PTBP3: variants seen among roughly 807,000 people sequenced by gnomAD.
The protein encoded by PTBP3 is polypyrimidine tract-binding protein 3.
PTBP3 carries 20 observed loss-of-function variants against 58.7 expected under a neutral mutation model. The ratio of observed to expected loss-of-function variants is 0.34; its 90% CI spans 0.24 to 0.50. The LOEUF is 0.50. Ranked by LOEUF, PTBP3 falls within the 20% of genes least tolerant of loss-of-function variation. The probability of loss-of-function intolerance (pLI) is 0.98; values close to 1 mark genes in which losing one functional copy is unlikely to be tolerated. For missense variants in PTBP3, 509 were observed against 637.2 expected (o/e 0.80, Z 2.17); for synonymous variants, 185 against 219.8 (o/e 0.84, Z 1.40).
chr9:112,361,424 C>T, the PTBP3 span, among the ~76,000 whole-genome samples: 1 of 152,034 alleles, frequency 6.6e-6, no homozygotes, highest in Non-Finnish European at 1.5e-5. Context: ...TTAGAAGCCA[C>T]AAAACAAGGG....
intron 5 of PTBP3, among the ~76,000 whole-genome samples, chr9:112,255,431 T>G (rs368461061): frequency 1.2e-4 from 18 of 152,310 alleles, no homozygotes; most frequent in Admixed American, 3.3e-4. Context: ...ATGTATGTAT[T>G]ATACATGCAG....
chr9:112,268,686 T>C (rs1183537753), intron 3 of PTBP3, among the ~76,000 whole-genome samples: 1 of 130,742 alleles, frequency 7.6e-6, no homozygotes, highest in African/African-American at 2.8e-5. Flanking sequence ...CACTGCAGCA[T>C]GGGTAACAGG....
At chr9:112,240,555 TTA>T (rs1397047622) in intron 7 of PTBP3, among the ~76,000 whole-genome samples, 5 of 151,826 alleles carry the variant, frequency 3.3e-5, no homozygotes, top group Non-Finnish European at 5.9e-5. Flanking sequence ...TAATAAAGAA[TTA>T]TGTTATTGGT....
At chr9:112,346,244 T>C in the PTBP3 span, among the ~76,000 whole-genome samples, 1 of 152,160 alleles carries the variant, frequency 6.6e-6, no homozygotes, top group Non-Finnish European at 1.5e-5. Flanking sequence ...CTCAGCTTGC[T>C]GCAACCTTTG....
chr9:112,262,390 G>T, intron 5 of PTBP3, 45 bp downstream of exon 5: 1 of 1,442,362 alleles, frequency 6.9e-7, no homozygotes, highest in Non-Finnish European at 9.3e-7. Flanking sequence ...AGTTTCAGAG[G>T]CCATATTTAA....
At chr9:112,267,696 ATTAC>A (rs1827155424) in intron 4 of PTBP3, among the ~76,000 whole-genome samples, 1 of 151,458 alleles carries the variant, frequency 6.6e-6, no homozygotes, top group Non-Finnish European at 1.5e-5. Flanking sequence ...GTTAAATTCC[ATTAC>A]TTAATTCACT....
chr9:112,325,458 T>C (rs982437532), intron 1 of PTBP3, among the ~76,000 whole-genome samples: 1 of 152,060 alleles, frequency 6.6e-6, no homozygotes, highest in Non-Finnish European at 1.5e-5. Flanking sequence ...CCCCTTTCGC[T>C]TAATAAATTC....
the PTBP3 span, among the ~76,000 whole-genome samples, chr9:112,343,356 C>T: frequency 2.0e-5 from 3 of 151,814 alleles, no homozygotes; most frequent in Admixed American, 2.0e-4. Context: ...TTACAGGTGC[C>T]TGCCACCACA....
rs1834816894 is a variant in PTBP3 at position 112,221,777 on chromosome 9, G to A, written c.*2074C>T. Reference sequence around the variant, plus strand: ...CCAACTAAGTGTTGCTCAGTGGTGAGTGAATTCTGCTTTTTAAACAATCTG... The same window carrying A: ...CCAACTAAGTGTTGCTCAGTGGTGAATGAATTCTGCTTTTTAAACAATCTG... On this transcript the variant is annotated 3_prime_UTR_variant, in exon 14 of 14. Transcript: ENST00000374257. 2.0e-6 allele frequency: 2 copies of A among 985,272 alleles called. No homozygotes were observed. The highest frequency in any genetic ancestry group is 2.4e-6 in the Non-Finnish European group (2 of 829,806). The allele number at this position is 985,272 out of a possible 1,614,324, so 61.0% of individuals were successfully genotyped here.
chr9:112,268,713 A>T (rs368938299), intron 3 of PTBP3, among the ~76,000 whole-genome samples: 1,187 of 46,820 alleles, frequency 0.025, 20 homozygotes, highest in African/African-American at 0.065. Context: ...ACACCGTCTC[A>T]AAAAAAAAAA....
chr9:112,275,457 T>C (rs1267744132), intron 3 of PTBP3, among the ~76,000 whole-genome samples: 2 of 152,216 alleles, frequency 1.3e-5, no homozygotes, highest in African/African-American at 2.4e-5. Context: ...CATTTTTATC[T>C]AGATTTTTGA....
At chr9:112,294,944 T>A (rs1281757765) in intron 2 of PTBP3, among the ~76,000 whole-genome samples, 2 of 152,140 alleles carry the variant, frequency 1.3e-5, no homozygotes, top group Non-Finnish European at 2.9e-5. Flanking sequence ...ATATTTGAAG[T>A]AATAGTTACT....
the PTBP3 span, among the ~76,000 whole-genome samples, chr9:112,349,863 CAAAAAAAAAAA>C: frequency 4.0e-5 from 2 of 49,694 alleles, no homozygotes; most frequent in South Asian, 1.4e-3. Context: ...GACTCTGTCT[CAAAAAAAAAAA>C]AAAAAAAAAA....
rs543096155 is a variant in PTBP3 at position 112,234,027 on chromosome 9, T to C, written c.880+793A>G. Among the ~76,000 whole-genome samples the C allele has an allele frequency of 3.3e-5, 5 of 152,232 alleles. No homozygotes were observed. In the South Asian group the frequency reaches 1.0e-3, roughly 32 times the overall value. ...GATTACTGCCAGAAAGCAGCTATGTTGCAATTTAAAATGTAGTTAAAGTCA... is the reference window on the plus strand; with the variant it reads ...GATTACTGCCAGAAAGCAGCTATGTCGCAATTTAAAATGTAGTTAAAGTCA... On this transcript the variant is annotated intron_variant, in intron 8 of 13. Transcript: ENST00000374257.
chr9:112,231,337 T>C, intron 10 of PTBP3, 43 bp downstream of exon 10: 1 of 1,495,400 alleles, frequency 6.7e-7, no homozygotes, highest in South Asian at 1.2e-5. Context: ...ATGTGCTCAA[T>C]TCACACCTGT....
chr9:112,273,116 T>C lies in PTBP3; in HGVS notation c.204+2728A>G, dbSNP rs187120259. On this transcript the variant is annotated intron_variant, in intron 3 of 13. Coordinates refer to ENST00000374257, the MANE Select transcript of PTBP3 (RefSeq NM_001163788.4). Reference sequence around the variant, plus strand: ...TGAAATGCTCCAAATGAACTACCAATGCTCTATGAAACAGTGATGTTAGCC... The same window carrying C: ...TGAAATGCTCCAAATGAACTACCAACGCTCTATGAAACAGTGATGTTAGCC... Among the ~76,000 whole-genome samples the C allele has an allele frequency of 3.3e-5, 5 of 152,268 alleles. No individual in the cohort carries two copies. In the East Asian group the frequency reaches 9.6e-4, roughly 29 times the overall value.
intron 7 of PTBP3, among the ~76,000 whole-genome samples, chr9:112,246,465 C>A (rs566033561): frequency 1.3e-5 from 2 of 151,714 alleles, no homozygotes; most frequent in Admixed American, 1.3e-4. Context: ...GAGGCTGAGG[C>A]GGGCGGATCA....
intron 5 of PTBP3, among the ~76,000 whole-genome samples, chr9:112,262,165 T>C (rs1436638298): frequency 6.6e-6 from 1 of 152,154 alleles, no homozygotes; most frequent in African/African-American, 2.4e-5. Context: ...CCTGGACTTT[T>C]CACAATATTC....
intron 11 of PTBP3, 118 bp from the exon 12 acceptor site, chr9:112,227,745 G>C (rs1835047227): frequency 1.3e-6 from 1 of 798,820 alleles, no homozygotes; most frequent in African/African-American, 1.7e-5. Context: ...TTATCAGTTT[G>C]AGGGTGAAAA....
Sources: allele counts gnomAD v4.1 joint callset (sites outside exome capture counted in the v4.1 genomes callset), GRCh38; gene constraint gnomAD v4.1.1; transcripts MANE v1.5; gene names NCBI Gene and HGNC (gene_info 2026-07-23, HGNC 2026-07-21).